The following CDH19 variants were observed in gnomAD, a reference collection of about 807,000 sequenced individuals.
The protein encoded by CDH19 is cadherin 19, also known as cadherin-19.
CDH19 carries 67 observed loss-of-function variants against 64.2 expected under a neutral mutation model. The ratio of observed to expected loss-of-function variants is 1.04; its 90% CI spans 0.86 to 1.28. CDH19 has a LOEUF of 1.28. Ranked by LOEUF, CDH19 falls within the 50% of genes most tolerant of loss-of-function variation. The pLI is 0.00. For synonymous variants in CDH19, 346 were observed against 319.3 expected (o/e 1.08, Z -0.89); for missense variants, 1,030 against 929.0 (o/e 1.11, Z -1.41).
intron 9 of CDH19, among the ~76,000 whole-genome samples, chr18:66,524,612 T>G (rs1207826660): frequency 6.7e-6 from 1 of 148,658 alleles, no homozygotes; most frequent in Non-Finnish European, 1.5e-5. Flanking sequence ...CTGTATTTGT[T>G]AATTAAAAAT....
chr18:66,538,933 T>C (rs768045890), intron 7 of CDH19, among the ~76,000 whole-genome samples: 2 of 152,072 alleles, frequency 1.3e-5, no homozygotes, highest in Non-Finnish European at 2.9e-5. Flanking sequence ...GGTATGACCT[T>C]ATCTTAACTA....
At chr18:66,552,156 A>G (rs1345312276) in intron 4 of CDH19, among the ~76,000 whole-genome samples, 1 of 152,016 alleles carries the variant, frequency 6.6e-6, no homozygotes, top group Non-Finnish European at 1.5e-5. Flanking sequence ...CCCAAACCTC[A>G]GCATCACAGA....
intron 9 of CDH19, among the ~76,000 whole-genome samples, chr18:66,519,735 A>G (rs1985897906): frequency 6.6e-6 from 1 of 152,192 alleles, no homozygotes; most frequent in African/African-American, 2.4e-5. Flanking sequence ...CCTAACAAAG[A>G]AACAAAAAAC....
chr18:66,570,282 T>C (rs1191258422), intron 2 of CDH19, among the ~76,000 whole-genome samples: 1 of 151,600 alleles, frequency 6.6e-6, no homozygotes. Context: ...ACAAGTAAGC[T>C]TGACATTTTT....
intron 3 of CDH19, among the ~76,000 whole-genome samples, chr18:66,563,290 C>T (rs150292055): frequency 1.5e-3 from 234 of 152,062 alleles, no homozygotes; most frequent in African/African-American, 5.4e-3. Context: ...TTCAAAATGA[C>T]ATTTACTTTA....
chr18:66,582,059 G>A (rs567131202), intron 1 of CDH19, among the ~76,000 whole-genome samples: 1 of 152,120 alleles, frequency 6.6e-6, no homozygotes, highest in East Asian at 1.9e-4. Flanking sequence ...AGAAAAAAAT[G>A]CATAAATATC....
intron 1 of CDH19, among the ~76,000 whole-genome samples, chr18:66,589,253 T>C (rs1490184992): frequency 2.7e-5 from 4 of 147,464 alleles, no homozygotes; most frequent in Non-Finnish European, 5.9e-5. Context: ...TATATATACA[T>C]ATATATATAT....
intron 10 of CDH19, among the ~76,000 whole-genome samples, chr18:66,510,194 A>C (rs1373581953): frequency 6.6e-6 from 1 of 151,824 alleles, no homozygotes; most frequent in Non-Finnish European, 1.5e-5. Flanking sequence ...ATGCTTAAGT[A>C]GGACATTTCC....
At chr18:66,527,972 T>C (rs1027928696) in intron 9 of CDH19, among the ~76,000 whole-genome samples, 4 of 151,574 alleles carry the variant, frequency 2.6e-5, no homozygotes, top group African/African-American at 9.7e-5. Context: ...AAATATGAAA[T>C]ATAATTATAA....
intron 10 of CDH19, among the ~76,000 whole-genome samples, chr18:66,511,003 T>A (rs956496397): frequency 6.6e-6 from 1 of 151,762 alleles, no homozygotes; most frequent in African/African-American, 2.4e-5. Flanking sequence ...CGTGGCTTTG[T>A]ATAAAGTTAA....
At chr18:66,570,400 C>A (rs1009025785) in intron 2 of CDH19, among the ~76,000 whole-genome samples, 3 of 151,594 alleles carry the variant, frequency 2.0e-5, no homozygotes, top group Non-Finnish European at 4.4e-5. Flanking sequence ...AATCAAATGG[C>A]CTGTAGTATT....
At chr18:66,569,848 G>A (rs1170194393) in intron 2 of CDH19, among the ~76,000 whole-genome samples, 1 of 151,598 alleles carries the variant, frequency 6.6e-6, no homozygotes. Context: ...GAAATCAGTT[G>A]TAAACAAATT....
rs1224045068 is a variant in CDH19, at chr18:66,502,438, TATTC to T, written c.*2370_*2373del. The T allele has an allele frequency of 1.3e-5, 2 of 152,034 alleles. No homozygotes were observed. Among genetic ancestry groups the T allele is most frequent in the Non-Finnish European group, 2.9e-5 (2 of 67,950 alleles). 9.4% of individuals were successfully genotyped at this position (152,034 alleles called of 1,614,324 possible). Reference sequence around the variant, plus strand: ...TTTTAATGAGTTGTTTATCCAAATGTATTCATTGTTTATAAGGCTTTTATTCATA... The same window carrying T: ...TTTTAATGAGTTGTTTATCCAAATGTATTGTTTATAAGGCTTTTATTCATA... On this transcript the variant is annotated 3_prime_UTR_variant, in exon 12 of 12. Transcript: ENST00000262150.
intron 1 of CDH19, among the ~76,000 whole-genome samples, chr18:66,579,339 T>C (rs986514438): frequency 1.3e-5 from 2 of 151,882 alleles, no homozygotes; most frequent in African/African-American, 4.8e-5. Flanking sequence ...TAACCTGTAA[T>C]AAAAGAACAA....
At chr18:66,547,529 C>T (rs1031201602) in intron 5 of CDH19, among the ~76,000 whole-genome samples, 6 of 151,748 alleles carry the variant, frequency 4.0e-5, no homozygotes, top group African/African-American at 1.5e-4. Flanking sequence ...GTGTTTATAT[C>T]GAATAAGCAA....
At chr18:66,539,419 T>G (rs1986800573) in intron 7 of CDH19, among the ~76,000 whole-genome samples, 2 of 152,112 alleles carry the variant, frequency 1.3e-5, no homozygotes. Context: ...GTAGATACTC[T>G]GTATCTGTTT....
At chr18:66,548,123 T>C (rs1479423254) in intron 5 of CDH19, among the ~76,000 whole-genome samples, 1 of 146,674 alleles carries the variant, frequency 6.8e-6, no homozygotes, top group African/African-American at 2.5e-5. Context: ...TAAAATATTA[T>C]ATATTATATA....
At chr18:66,529,522 T>A in intron 9 of CDH19, among the ~76,000 whole-genome samples, 1 of 150,202 alleles carries the variant, frequency 6.7e-6, no homozygotes, top group East Asian at 1.9e-4. Context: ...CTTTTAAAAA[T>A]TAAAATAAAA....
chr18:66,504,951 C>T lies in CDH19; in HGVS notation c.2180G>A (p.Gly727Glu). ...SLQTYAFEGTGSLAGSLSSLE... is the reference protein window; with the variant it reads ...SLQTYAFEGTESLAGSLSSLE... ...GGAGCTCAGGGATCCAGCTAATGAC[C>T]CTGTTCCCTCAAAAGCGTAGGTCTG... Residue 727 changes from glycine to glutamate, a missense_variant, in exon 12 of 12, where the codon GGG becomes GAG. Physicochemically the swap from Gly to Glu is moderately conservative, Grantham distance 98. Transcript: ENST00000262150. The T allele has an allele frequency of 6.2e-7, 1 of 1,613,398 alleles. No homozygotes were observed. The highest frequency in any genetic ancestry group is 1.3e-5 in the African/African-American group (1 of 74,938).
Sources: gnomAD v4.1 joint callset for allele counts (sites outside exome capture counted in the v4.1 genomes callset) on GRCh38, gnomAD v4.1.1 for gene constraint, MANE v1.5 for transcripts, NCBI Gene and HGNC (gene_info 2026-07-23, HGNC 2026-07-21) for gene names.